CD2AP: variants seen among roughly 807,000 people sequenced by gnomAD.
The protein encoded by CD2AP is CD2-associated protein.
Under a neutral mutation model 85.1 loss-of-function variants are expected in CD2AP, and 46 were observed. That is an observed-to-expected ratio of 0.54 (90% CI 0.43 to 0.69). The LOEUF (loss-of-function observed/expected upper bound fraction) is 0.69, where lower values mean the gene tolerates loss of function less well. Ranked by LOEUF, CD2AP falls within the 30% of genes least tolerant of loss-of-function variation. CD2AP has a pLI of 0.00. For missense variants in CD2AP, 769 were observed against 729.5 expected (o/e 1.05, Z -0.62); for synonymous variants, 255 against 252.9 (o/e 1.01, Z -0.08).
At position 47,495,453 on chromosome 6, in the gene CD2AP, T is replaced by C. The variant is rs182352027; in HGVS notation, c.5-7827T>C. ...CCCTGCTGATACCTTGATTTTGCCC[T>C]CTCGCCTCCCGAAAGAGGAGAATAA... On this transcript the variant is annotated intron_variant, in intron 1 of 17. Coordinates refer to ENST00000359314, the MANE Select transcript of CD2AP (RefSeq NM_012120.3). Among the ~76,000 whole-genome samples, 71 of 152,278 alleles carry C rather than the reference T, an allele frequency of 4.7e-4. 1 individual carries two copies. Among genetic ancestry groups the C allele is most frequent in the African/African-American group, 1.7e-3 (70 of 41,564 alleles).
chr6:47,538,362 G>A (rs762505120), intron 3 of CD2AP, among the ~76,000 whole-genome samples: 23 of 151,856 alleles, frequency 1.5e-4, no homozygotes, highest in Non-Finnish European at 2.8e-4. Flanking sequence ...CTGCCCCAAC[G>A]TCCCAAGTAG....
At chr6:47,588,125 C>T (rs1036874392) in intron 11 of CD2AP, among the ~76,000 whole-genome samples, 2 of 152,112 alleles carry the variant, frequency 1.3e-5, no homozygotes, top group South Asian at 4.1e-4. Context: ...TTGTACTTCT[C>T]TCAGAATCTT....
At chr6:47,493,687 G>A (rs1309973229) in intron 1 of CD2AP, among the ~76,000 whole-genome samples, 1 of 151,990 alleles carries the variant, frequency 6.6e-6, no homozygotes, top group Non-Finnish European at 1.5e-5. Flanking sequence ...CCAATTACGT[G>A]TGTTTATACC....
chr6:47,487,288 C>G (rs182706582), intron 1 of CD2AP, among the ~76,000 whole-genome samples: 6 of 152,258 alleles, frequency 3.9e-5, no homozygotes, highest in African/African-American at 1.2e-4. Context: ...TGTTTCAAAT[C>G]TCAAGTTAGC....
chr6:47,535,062 G>A (rs141820648), intron 3 of CD2AP, among the ~76,000 whole-genome samples: 1 of 152,148 alleles, frequency 6.6e-6, no homozygotes, highest in South Asian at 2.1e-4. Context: ...TTCCCAAAGT[G>A]CTGGAATTAC....
intron 3 of CD2AP, among the ~76,000 whole-genome samples, chr6:47,536,342 T>C (rs1002623919): frequency 2.0e-5 from 3 of 152,118 alleles, no homozygotes; most frequent in Non-Finnish European, 2.9e-5. Flanking sequence ...ACCAGTACTA[T>C]TAATATTAAT....
At chr6:47,552,742 T>G (rs1767562208) in intron 4 of CD2AP, among the ~76,000 whole-genome samples, 1 of 152,198 alleles carries the variant, frequency 6.6e-6, no homozygotes, top group Admixed American at 6.5e-5. Flanking sequence ...GTATTTATTC[T>G]AGTTTGGTCT....
chr6:47,624,329 TA>T lies in CD2AP; in HGVS notation c.*105del, dbSNP rs1402634789. 2.3e-6 allele frequency: 2 copies of T among 870,046 alleles called. No individual in the cohort carries two copies. The highest frequency in any genetic ancestry group is 1.8e-5 in the Admixed American group (1 of 54,116). 53.9% of individuals were successfully genotyped at this position (870,046 alleles called of 1,614,324 possible). A position where few individuals can be genotyped will look rare whatever the true frequency, so the allele number is the denominator to read the frequency against. On this transcript the variant is annotated 3_prime_UTR_variant, in exon 18 of 18. Coordinates refer to ENST00000359314, the MANE Select transcript of CD2AP (RefSeq NM_012120.3). ...AAAATTGTGAATTCTGTTGTTGTGA[TA>T]AATATGAGCAAATGAAGTGTAATAT...
intron 1 of CD2AP, among the ~76,000 whole-genome samples, chr6:47,500,474 T>C (rs1765971215): frequency 6.6e-6 from 1 of 152,230 alleles, no homozygotes; most frequent in Non-Finnish European, 1.5e-5. Context: ...CTTATCATGT[T>C]GGGATGTTTT....
intron 2 of CD2AP, among the ~76,000 whole-genome samples, chr6:47,531,260 A>G (rs1189352044): frequency 6.6e-6 from 1 of 152,192 alleles, no homozygotes; most frequent in South Asian, 2.1e-4. Context: ...CTACACCAAA[A>G]GAAAGACCTA....
intron 11 of CD2AP, among the ~76,000 whole-genome samples, chr6:47,588,455 C>T (rs886922959): frequency 2.6e-5 from 4 of 152,006 alleles, no homozygotes; most frequent in African/African-American, 9.7e-5. Context: ...TGAAGGATTC[C>T]AGATTATGAC....
chr6:47,503,514 C>T, intron 2 of CD2AP, 74 bp downstream of exon 2: 1 of 1,276,750 alleles, frequency 7.8e-7, no homozygotes, highest in South Asian at 1.3e-5. Context: ...AATAGATATA[C>T]TTTTAAAATT....
intron 3 of CD2AP, among the ~76,000 whole-genome samples, chr6:47,535,801 G>T (rs989477746): frequency 2.0e-5 from 3 of 152,074 alleles, no homozygotes; most frequent in African/African-American, 7.2e-5. Flanking sequence ...GAATTTTTAG[G>T]CCCACGGGAG....
chr6:47,494,169 A>G (rs1304491376), intron 1 of CD2AP, among the ~76,000 whole-genome samples: 1 of 152,190 alleles, frequency 6.6e-6, no homozygotes, highest in East Asian at 1.9e-4. Context: ...GAACTGCGGT[A>G]GTTAAATCGT....
Position 47,592,843 on chromosome 6 carries a change from G to T in CD2AP, c.1109-3018G>T, listed in dbSNP as rs532418864. Among the ~76,000 whole-genome samples, 58 of 152,254 alleles carry T rather than the reference G, an allele frequency of 3.8e-4. No individual in the cohort carries two copies. In the South Asian group the frequency reaches 0.011, roughly 30 times the overall value. Reference sequence around the variant, plus strand: ...CATGTGTTCCATTTGGCTGTTCTGAGCTGTATCCTTTATAATAAACTGTTA... The same window carrying T: ...CATGTGTTCCATTTGGCTGTTCTGATCTGTATCCTTTATAATAAACTGTTA... On this transcript the variant is annotated intron_variant, in intron 11 of 17. Coordinates refer to ENST00000359314, the MANE Select transcript of CD2AP (RefSeq NM_012120.3).
chr6:47,555,429 T>G (rs1767655073), intron 5 of CD2AP, among the ~76,000 whole-genome samples: 1 of 152,204 alleles, frequency 6.6e-6, no homozygotes, highest in African/African-American at 2.4e-5. Context: ...TCGATGGAAA[T>G]GTATATGTAG....
At chr6:47,523,260 A>G (rs1159488356) in intron 2 of CD2AP, among the ~76,000 whole-genome samples, 3 of 152,114 alleles carry the variant, frequency 2.0e-5, no homozygotes, top group Non-Finnish European at 4.4e-5. Context: ...TAAGGGAGAA[A>G]ACCTTGCAGA....
intron 2 of CD2AP, among the ~76,000 whole-genome samples, chr6:47,527,787 C>T (rs1766768695): frequency 6.6e-6 from 1 of 152,008 alleles, no homozygotes; most frequent in Non-Finnish European, 1.5e-5. Flanking sequence ...TGCCAGTGGC[C>T]CTGCCCTGGA....
intron 16 of CD2AP, among the ~76,000 whole-genome samples, chr6:47,610,818 T>C (rs977404630): frequency 2.0e-5 from 3 of 151,270 alleles, no homozygotes; most frequent in African/African-American, 7.3e-5. Context: ...TCACCACCCA[T>C]GTACCAGTTA....
Sources: gnomAD v4.1 joint callset for allele counts (sites outside exome capture counted in the v4.1 genomes callset) on GRCh38, gnomAD v4.1.1 for gene constraint, MANE v1.5 for transcripts, NCBI Gene and HGNC (gene_info 2026-07-23, HGNC 2026-07-21) for gene names.